Variants in SNX7 observed in about 807,000 individuals in gnomAD.
SNX7 encodes sorting nexin 7.
SNX7 carries 35 observed loss-of-function variants against 48.4 expected under a neutral mutation model. That is an observed-to-expected ratio of 0.72 (90% CI 0.55 to 0.96). The LOEUF (loss-of-function observed/expected upper bound fraction) is 0.96. Ranked by LOEUF, SNX7 falls within the 40% of genes least tolerant of loss-of-function variation. The pLI is 0.00. For missense variants in SNX7, 553 were observed against 548.9 expected (o/e 1.01, Z -0.07); for synonymous variants, 190 against 190.2 (o/e 1.00, Z 0.01).
chr1:98,709,398 G>A (rs544762899), intron 7 of SNX7, among the ~76,000 whole-genome samples: 2 of 152,244 alleles, frequency 1.3e-5, no homozygotes, highest in South Asian at 2.1e-4. Context: ...CTACCTGGTC[G>A]CTCTAGGCAG....
chr1:98,740,421 A>G (rs1654014586), intron 8 of SNX7, among the ~76,000 whole-genome samples: 1 of 152,200 alleles, frequency 6.6e-6, no homozygotes, highest in Admixed American at 6.5e-5. Flanking sequence ...TTATAAGAAA[A>G]TGCCTTAAAT....
chr1:98,696,106 A>C (rs1460955797), intron 5 of SNX7, among the ~76,000 whole-genome samples: 1 of 151,946 alleles, frequency 6.6e-6, no homozygotes, highest in Non-Finnish European at 1.5e-5. Context: ...CTCTGTATTA[A>C]ACCTGTCGAA....
chr1:98,752,384 T>C (rs565747257), intron 8 of SNX7, among the ~76,000 whole-genome samples: 28 of 151,922 alleles, frequency 1.8e-4, no homozygotes, highest in Non-Finnish European at 3.5e-4. Flanking sequence ...TATTAAACAT[T>C]GGTGGAAACA....
intron 8 of SNX7, among the ~76,000 whole-genome samples, chr1:98,752,840 T>C (rs928587504): frequency 1.2e-4 from 19 of 152,066 alleles, no homozygotes; most frequent in African/African-American, 4.3e-4. Context: ...TAAATACTCT[T>C]TCCTAAAATG....
At chr1:98,685,353 A>G (rs1650735832) in intron 2 of SNX7, among the ~76,000 whole-genome samples, 1 of 152,192 alleles carries the variant, frequency 6.6e-6, no homozygotes. Flanking sequence ...GTATTAAGAA[A>G]TACCTTTGGA....
intron 7 of SNX7, among the ~76,000 whole-genome samples, chr1:98,717,402 T>C (rs911485609): frequency 3.9e-5 from 6 of 152,164 alleles, no homozygotes; most frequent in Non-Finnish European, 8.8e-5. Context: ...TGCAGGAATT[T>C]TTGAAGCAGA....
intron 1 of SNX7, among the ~76,000 whole-genome samples, chr1:98,680,121 A>G (rs1650398318): frequency 6.6e-6 from 1 of 152,308 alleles, no homozygotes; most frequent in East Asian, 1.9e-4. Flanking sequence ...GGAGGTTCCT[A>G]AACCCTAATT....
At chr1:98,688,742 C>T (rs1570516879) in intron 2 of SNX7, among the ~76,000 whole-genome samples, 1 of 152,122 alleles carries the variant, frequency 6.6e-6, no homozygotes, top group South Asian at 2.1e-4. Context: ...CCAGCATTTT[C>T]AATGTTGCTT....
At chr1:98,734,037 A>G (rs185282449) in intron 7 of SNX7, among the ~76,000 whole-genome samples, 412 of 152,028 alleles carry the variant, frequency 2.7e-3, no homozygotes, top group Non-Finnish European at 4.6e-3. Context: ...TGTATTTCCC[A>G]TGCTTCTCCT....
intron 7 of SNX7, among the ~76,000 whole-genome samples, chr1:98,729,017 T>C (rs1653345932): frequency 1.3e-5 from 2 of 152,194 alleles, no homozygotes; most frequent in African/African-American, 4.8e-5. Context: ...ACATGGCACT[T>C]ACTCTAAAAT....
At chr1:98,723,827 C>T (rs941154776) in intron 7 of SNX7, among the ~76,000 whole-genome samples, 5 of 151,868 alleles carry the variant, frequency 3.3e-5, no homozygotes, top group African/African-American at 1.2e-4. Context: ...CATGACTGCA[C>T]TCCAGCCTGG....
In SNX7 at chr1:98,684,906, A is replaced by G. The variant is rs142451909; in HGVS notation, c.202A>G (p.Asn68Asp). 7 of 1,516,360 alleles carry G rather than the reference A, an allele frequency of 4.6e-6. No homozygotes were observed. The highest frequency in any genetic ancestry group is 6.2e-6 in the Non-Finnish European group (7 of 1,127,592). The allele number at this position is 1,516,360 out of a possible 1,614,324, so 93.9% of individuals were successfully genotyped here. A position where few individuals can be genotyped will look rare whatever the true frequency, so the allele number is the denominator to read the frequency against. ...FSKDASLMDM[N>D]SFSPMMPTSP... is the part of the protein sequence containing the mutation. Reference sequence around the variant, plus strand: ...TTAGGATGCCTCATTGATGGACATGAACTCCTTCAGCCCTATGATGCCAAC... The same window carrying G: ...TTAGGATGCCTCATTGATGGACATGGACTCCTTCAGCCCTATGATGCCAAC... The change falls in exon 2 of 9, where the codon AAC (asparagine) becomes GAC (aspartate). Residue 68 changes from asparagine to aspartate, a missense_variant. Transcript: ENST00000306121.
At chr1:98,680,065 C>G (rs955385439) in intron 1 of SNX7, among the ~76,000 whole-genome samples, 2 of 152,250 alleles carry the variant, frequency 1.3e-5, no homozygotes, top group Non-Finnish European at 2.9e-5. Flanking sequence ...TAGCAAACTT[C>G]TGACTGGACA....
intron 8 of SNX7, among the ~76,000 whole-genome samples, chr1:98,745,105 G>A (rs1351011204): frequency 6.6e-6 from 1 of 152,008 alleles, no homozygotes; most frequent in Non-Finnish European, 1.5e-5. Context: ...GAGAAGGATG[G>A]ATATGGTAGG....
At chr1:98,725,878 C>T (rs1223583980) in intron 7 of SNX7, among the ~76,000 whole-genome samples, 3 of 152,102 alleles carry the variant, frequency 2.0e-5, no homozygotes, top group African/African-American at 7.2e-5. Context: ...TAATAGAAGA[C>T]TTTTTGGCCT....
At chr1:98,737,078 G>A (rs12726679) in intron 7 of SNX7, among the ~76,000 whole-genome samples, 2 of 141,402 alleles carry the variant, frequency 1.4e-5, no homozygotes, top group Admixed American at 7.1e-5. Context: ...TTTTCCCCTC[G>A]CTTTTTTTTT....
intron 7 of SNX7, among the ~76,000 whole-genome samples, chr1:98,723,802 G>T (rs929882602): frequency 6.6e-6 from 1 of 151,830 alleles, no homozygotes; most frequent in African/African-American, 2.4e-5. Context: ...CAGAGGTTGC[G>T]CTGAACTGAG....
At chr1:98,691,949 T>A (rs868055180) in intron 4 of SNX7, among the ~76,000 whole-genome samples, 17 of 149,590 alleles carry the variant, frequency 1.1e-4, no homozygotes, top group African/African-American at 3.5e-4. Flanking sequence ...TCTCTCTCTC[T>A]CTCTCTCTCT....
intron 5 of SNX7, among the ~76,000 whole-genome samples, chr1:98,696,526 T>C (rs978774545): frequency 3.3e-5 from 5 of 152,036 alleles, no homozygotes; most frequent in African/African-American, 1.2e-4. Context: ...AACATAAGAT[T>C]TGGAATGGTG....
Sources: allele counts gnomAD v4.1 joint callset (sites outside exome capture counted in the v4.1 genomes callset), GRCh38; gene constraint gnomAD v4.1.1; transcripts MANE v1.5; gene names NCBI Gene and HGNC (gene_info 2026-07-23, HGNC 2026-07-21).